The following ZNF334 variants were observed in gnomAD, a reference collection of about 807,000 sequenced individuals.
ZNF334 encodes zinc finger protein 334.
ZNF334 carries 14 observed loss-of-function variants against 12.4 expected under a neutral mutation model. The ratio of observed to expected loss-of-function variants is 1.13; its 90% CI spans 0.74 to 1.76. ZNF334 has a LOEUF of 1.76. Ranked by LOEUF, ZNF334 falls within the 40% of genes most tolerant of loss-of-function variation. The pLI is 0.00. For synonymous variants in ZNF334, 273 were observed against 269.6 expected, an observed-to-expected ratio of 1.01 and a Z score of -0.12; for missense variants, 797 against 804.5, an observed-to-expected ratio of 0.99 and a Z score of 0.11.
At chr20:46,469,370 CTTTT>C in the ZNF334 span, among the ~76,000 whole-genome samples, 3 of 138,722 alleles carry the variant, frequency 2.2e-5, no homozygotes, top group Admixed American at 7.2e-5. Flanking sequence ...CCCTATGCTC[CTTTT>C]TTTTTTTTTT....
chr20:46,475,481 G>C, the ZNF334 span, among the ~76,000 whole-genome samples: 1,946 of 152,126 alleles, frequency 0.013, 38 homozygotes, highest in African/African-American at 0.045. Context: ...AGAATGAAAT[G>C]ACAAACTACA....
the ZNF334 span, among the ~76,000 whole-genome samples, chr20:46,477,939 T>A: frequency 6.6e-6 from 1 of 152,310 alleles, no homozygotes; most frequent in Middle Eastern, 3.4e-3. Context: ...GAAAACATAA[T>A]CATACCACTC....
chr20:46,473,650 A>G, the ZNF334 span, among the ~76,000 whole-genome samples: 2 of 152,168 alleles, frequency 1.3e-5, no homozygotes, highest in Non-Finnish European at 2.9e-5. Flanking sequence ...AAAAATGGAG[A>G]ACATATTATC....
intron 4 of ZNF334, among the ~76,000 whole-genome samples, chr20:46,503,861 A>G (rs983987277): frequency 2.6e-5 from 4 of 152,250 alleles, no homozygotes; most frequent in African/African-American, 9.6e-5. Context: ...TAAAAAGATC[A>G]TGACAGATCT....
At chr20:46,507,615 T>A (rs68056342) in intron 2 of ZNF334, among the ~76,000 whole-genome samples, 15 of 152,086 alleles carry the variant, frequency 9.9e-5, no homozygotes, top group Admixed American at 9.8e-4. Flanking sequence ...CAGTAAAAAA[T>A]AGGCATGCTG....
At chr20:46,486,967 C>T in the ZNF334 span, among the ~76,000 whole-genome samples, 4 of 151,926 alleles carry the variant, frequency 2.6e-5, no homozygotes, top group African/African-American at 9.7e-5. Flanking sequence ...TGCTCATTTT[C>T]TAATTTTTTT....
the ZNF334 span, among the ~76,000 whole-genome samples, chr20:46,489,212 A>G: frequency 1.3e-5 from 2 of 152,094 alleles, no homozygotes; most frequent in Non-Finnish European, 2.9e-5. Flanking sequence ...CACATTTTTA[A>G]TAGGACTCAC....
chr20:46,501,685 T>C lies in ZNF334; in HGVS notation c.1654A>G (p.Thr552Ala), dbSNP rs187068448. 1.1e-5 allele frequency: 17 copies of C among 1,614,018 alleles called. No homozygotes were observed. The East Asian group carries it at 3.8e-4, about 36-fold the overall frequency. The change falls in exon 5 of 5, where the codon ACC (threonine) becomes GCC (alanine). Residue 552 changes from threonine to alanine, a missense_variant. Transcript: ENST00000692313. ...GTCAGGGCTGACTTCCTGCAGTAGG[T>C]TCTCCCACATTCATTGCATTCATAT... The part of the protein sequence containing the change: ...RPYECNECGR[T>A]YCRKSALTHH...
chr20:46,494,758 T>C (rs932642160), downstream of ZNF334, among the ~76,000 whole-genome samples: 5 of 152,180 alleles, frequency 3.3e-5, no homozygotes, highest in African/African-American at 1.2e-4. Flanking sequence ...CTGCTAACTC[T>C]AAAGTCTAGA....
At chr20:46,480,236 TACTC>T in the ZNF334 span, among the ~76,000 whole-genome samples, 29 of 152,308 alleles carry the variant, frequency 1.9e-4, no homozygotes, top group African/African-American at 6.3e-4. Context: ...TAAGGTCACA[TACTC>T]ACAGGTTCTG....
the ZNF334 span, among the ~76,000 whole-genome samples, chr20:46,488,807 T>G: frequency 1.3e-5 from 2 of 151,540 alleles, no homozygotes; most frequent in African/African-American, 2.4e-5. Flanking sequence ...GTTAATAGTT[T>G]TTTTTTTTTT....
chr20:46,491,110 T>C, the ZNF334 span: 1 of 152,784 alleles, frequency 6.5e-6, no homozygotes, highest in Non-Finnish European at 1.5e-5. Context: ...ATAAACACTT[T>C]GAATGTAACC....
chr20:46,497,165 C>T (rs533787113), downstream of ZNF334, among the ~76,000 whole-genome samples: 1 of 152,324 alleles, frequency 6.6e-6, no homozygotes, highest in East Asian at 1.9e-4. Flanking sequence ...CAAATAAGGT[C>T]TCAACCAGAC....
At chr20:46,473,894 C>T in the ZNF334 span, among the ~76,000 whole-genome samples, 25,880 of 152,108 alleles carry the variant, frequency 0.17, 3,354 homozygotes, top group African/African-American at 0.37. Context: ...TGAGATTGTA[C>T]GTGATTGTAT....
At chr20:46,488,418 T>TA in the ZNF334 span, among the ~76,000 whole-genome samples, 23 of 121,606 alleles carry the variant, frequency 1.9e-4, no homozygotes, top group African/African-American at 7.2e-4. Context: ...TAGCTCTTAT[T>TA]TTATATATAT....
chr20:46,489,335 A>G, the ZNF334 span, among the ~76,000 whole-genome samples: 1 of 152,068 alleles, frequency 6.6e-6, no homozygotes, highest in African/African-American at 2.4e-5. Flanking sequence ...ATCTTTGGCT[A>G]TGTAATTTTG....
At chr20:46,470,574 G>A in the ZNF334 span, among the ~76,000 whole-genome samples, 1 of 152,138 alleles carries the variant, frequency 6.6e-6, no homozygotes, top group Non-Finnish European at 1.5e-5. Context: ...GTTGAGACAG[G>A]TCCAAAGATA....
intron 2 of ZNF334, among the ~76,000 whole-genome samples, chr20:46,507,879 A>G (rs1440197775): frequency 6.6e-6 from 1 of 152,252 alleles, no homozygotes; most frequent in Non-Finnish European, 1.5e-5. Flanking sequence ...CTTCCTGAAG[A>G]TAAAGAGTAT....
At chr20:46,495,925 T>C (rs1263866357), downstream of ZNF334, among the ~76,000 whole-genome samples, 1 of 152,168 alleles carries the variant, frequency 6.6e-6, no homozygotes, top group Non-Finnish European at 1.5e-5. Context: ...CCCTCATGCA[T>C]GGCCACGGTG....
Sources: allele counts gnomAD v4.1 joint callset (sites outside exome capture counted in the v4.1 genomes callset), GRCh38; gene constraint gnomAD v4.1.1; transcripts MANE v1.5; gene names NCBI Gene and HGNC (gene_info 2026-07-23, HGNC 2026-07-21).